Variants in ARFGAP3 observed in about 807,000 individuals in gnomAD.
ARFGAP3 encodes the protein ARF GTPase activating protein 3, also known as ADP-ribosylation factor GTPase-activating protein 3.
A neutral mutation model predicts 75.0 loss-of-function variants in ARFGAP3; 72 were observed. That is an observed-to-expected ratio of 0.96 (90% CI 0.79 to 1.17). The LOEUF (loss-of-function observed/expected upper bound fraction) is 1.17. Ranked by LOEUF, ARFGAP3 falls within the 50% of genes most tolerant of loss-of-function variation. ARFGAP3 has a pLI of 0.00. For missense variants in ARFGAP3, 620 were observed against 626.6 expected, an observed-to-expected ratio of 0.99 and a Z score of 0.11; for synonymous variants, 221 against 217.9, an observed-to-expected ratio of 1.01 and a Z score of -0.13.
intron 1 of ARFGAP3, among the ~76,000 whole-genome samples, chr22:42,854,352 C>T (rs1927406288): frequency 6.6e-6 from 1 of 152,208 alleles, no homozygotes; most frequent in Non-Finnish European, 1.5e-5. Flanking sequence ...TGGCCAGGTG[C>T]GGTGGCTCAC....
At chr22:42,810,761 T>G (rs1430932417) in intron 12 of ARFGAP3, 52 bp downstream of exon 12, 10 of 1,523,254 alleles carry the variant, frequency 6.6e-6, no homozygotes, top group Non-Finnish European at 9.0e-6. Flanking sequence ...AGCAATTTTT[T>G]CCCAGAAATG....
chr22:42,846,860 A>G (rs1028503022), intron 2 of ARFGAP3, among the ~76,000 whole-genome samples: 1 of 152,202 alleles, frequency 6.6e-6, no homozygotes, highest in Non-Finnish European at 1.5e-5. Context: ...ATTGCTTGTA[A>G]CAGAATTCCT....
intron 12 of ARFGAP3, 164 bp from the exon 13 acceptor site, chr22:42,809,054 T>A: frequency 1.9e-6 from 1 of 530,030 alleles, no homozygotes. Context: ...AAAGAATAAA[T>A]ACCCAAACGA....
At chr22:42,856,782 C>G (rs1053341671) in intron 1 of ARFGAP3, among the ~76,000 whole-genome samples, 4 of 151,534 alleles carry the variant, frequency 2.6e-5, no homozygotes, top group African/African-American at 9.6e-5. Context: ...CCTCGCAGCG[C>G]CCCCGAGGAT....
intron 10 of ARFGAP3, among the ~76,000 whole-genome samples, 180 bp downstream of exon 10, chr22:42,817,549 G>C (rs1276739366): frequency 6.6e-6 from 1 of 151,958 alleles, no homozygotes; most frequent in African/African-American, 2.4e-5. Flanking sequence ...TTCTTTTAAA[G>C]AGCCAAATTT....
rs190805292 is a variant in ARFGAP3 at position 42,835,780 on chromosome 22, C to G, written c.262-287G>C. Among the ~76,000 whole-genome samples the G allele has an allele frequency of 9.2e-5, 14 of 152,222 alleles. No homozygotes were observed. The East Asian group carries it at 2.7e-3, about 29-fold the overall frequency. Reference sequence around the variant, plus strand: ...CTTGCAGTGAGCTGAGATCGTGTCACTGCACTCCAGCCTGGGCAACAGAGC... The same window carrying G: ...CTTGCAGTGAGCTGAGATCGTGTCAGTGCACTCCAGCCTGGGCAACAGAGC... On this transcript the variant is annotated intron_variant, in intron 3 of 15. Transcript: ENST00000263245.
At chr22:42,848,989 C>A (rs1465568864) in intron 1 of ARFGAP3, among the ~76,000 whole-genome samples, 1 of 152,176 alleles carries the variant, frequency 6.6e-6, no homozygotes, top group African/African-American at 2.4e-5. Context: ...ATCACTAGCT[C>A]TAGGGGAAGC....
chr22:42,840,825 C>T (rs916920171), intron 3 of ARFGAP3, 119 bp downstream of exon 3: 4 of 1,066,130 alleles, frequency 3.8e-6, no homozygotes, highest in Non-Finnish European at 5.4e-6. Context: ...GTAATTTCAG[C>T]CTCCCAAATG....
chr22:42,845,743 G>A (rs1325821036), intron 2 of ARFGAP3, among the ~76,000 whole-genome samples: 6 of 151,952 alleles, frequency 3.9e-5, no homozygotes, highest in Non-Finnish European at 8.8e-5. Context: ...ACTCTTAGAA[G>A]AAAACAGAAG....
intron 14 of ARFGAP3, among the ~76,000 whole-genome samples, chr22:42,801,085 A>G (rs562475797): frequency 1.3e-5 from 2 of 152,298 alleles, no homozygotes; most frequent in African/African-American, 4.8e-5. Flanking sequence ...TCAGGTAGAC[A>G]GCTGGGAGGT....
intron 7 of ARFGAP3, among the ~76,000 whole-genome samples, chr22:42,825,654 C>T (rs1361591804): frequency 6.8e-6 from 1 of 146,132 alleles, no homozygotes; most frequent in Non-Finnish European, 1.5e-5. Flanking sequence ...CAGTGTACTC[C>T]AGCCTGGGTG....
intron 14 of ARFGAP3, among the ~76,000 whole-genome samples, chr22:42,802,778 T>G (rs1338266650): frequency 6.7e-6 from 1 of 149,810 alleles, no homozygotes; most frequent in Non-Finnish European, 1.5e-5. Flanking sequence ...ATTTTTTGTA[T>G]TTTTAGTAGA....
At chr22:42,840,565 C>T (rs5751383) in intron 3 of ARFGAP3, among the ~76,000 whole-genome samples, 59,444 of 151,654 alleles carry the variant, frequency 0.39, 12,217 homozygotes, top group Non-Finnish European at 0.45. Context: ...TACAGGTGTG[C>T]ACCACCATAC....
At chr22:42,837,604 G>C (rs1177225943) in intron 3 of ARFGAP3, among the ~76,000 whole-genome samples, 1 of 121,892 alleles carries the variant, frequency 8.2e-6, no homozygotes, top group Admixed American at 9.8e-5. Context: ...TAGGCAATAG[G>C]AGTGAGACTC....
At position 42,817,813 on chromosome 22, in the gene ARFGAP3, A is replaced by G. The variant is rs780309591; in HGVS notation, c.857T>C (p.Met286Thr). 14 of 1,613,262 alleles carry G rather than the reference A, an allele frequency of 8.7e-6. No individual in the cohort carries two copies. The highest frequency in any genetic ancestry group is 1.0e-5 in the Non-Finnish European group (12 of 1,179,694). The change falls in exon 10 of 16, where the codon ATG (methionine) becomes ACG (threonine). Residue 286 changes from methionine (M) to threonine (T), a missense_variant. Coordinates refer to ENST00000263245, the MANE Select transcript of ARFGAP3 (RefSeq NM_014570.5). ...AATGTTCATCTTTTCGTCTTTCTTC[A>G]TTTGAATTTCAAGATCCTTATAGGC... ...RLAYKDLEIQ[M>T]KKDEKMNISG...
At chr22:42,819,532 G>A (rs538565147) in intron 9 of ARFGAP3, among the ~76,000 whole-genome samples, 66 of 152,140 alleles carry the variant, frequency 4.3e-4, no homozygotes, top group African/African-American at 1.6e-3. Context: ...AACTTCAGGA[G>A]TGCTTACGGG....
At chr22:42,797,646 A>G (rs1262363606) in intron 15 of ARFGAP3, 41 bp from the exon 16 acceptor site, 1 of 1,613,852 alleles carries the variant, frequency 6.2e-7, no homozygotes, top group African/African-American at 1.3e-5. Flanking sequence ...ACCATTCAGC[A>G]GCGATCCCTG....
intron 1 of ARFGAP3, among the ~76,000 whole-genome samples, chr22:42,855,963 C>T (rs1264488609): frequency 6.6e-6 from 1 of 152,128 alleles, no homozygotes; most frequent in Non-Finnish European, 1.5e-5. Context: ...ATGGCTTGGG[C>T]TGGGTAGGTC....
chr22:42,849,761 A>G (rs953357238), intron 1 of ARFGAP3, among the ~76,000 whole-genome samples: 1 of 151,112 alleles, frequency 6.6e-6, no homozygotes, highest in African/African-American at 2.4e-5. Context: ...GGGTCTTGCT[A>G]TGTTGCCTAA....
Sources: gnomAD v4.1 joint callset for allele counts (sites outside exome capture counted in the v4.1 genomes callset) on GRCh38, gnomAD v4.1.1 for gene constraint, MANE v1.5 for transcripts, NCBI Gene and HGNC (gene_info 2026-07-23, HGNC 2026-07-21) for gene names.